Variants in ACOXL observed in about 807,000 individuals in gnomAD.
ACOXL encodes acyl-CoA oxidase like.
ACOXL carries 70 observed loss-of-function variants against 71.9 expected under a neutral mutation model. The ratio of observed to expected loss-of-function variants is 0.97; its 90% CI spans 0.80 to 1.19. ACOXL has a LOEUF of 1.19. Ranked by LOEUF, ACOXL falls within the 50% of genes most tolerant of loss-of-function variation. The pLI is 0.00. For missense variants in ACOXL, 703 were observed against 736.3 expected (o/e 0.95, Z 0.52); for synonymous variants, 253 against 281.6 (o/e 0.90, Z 1.02).
chr2:110,733,465 T>G (rs1309143550), intron 1 of ACOXL, among the ~76,000 whole-genome samples: 1 of 152,162 alleles, frequency 6.6e-6, no homozygotes, highest in East Asian at 1.9e-4. Context: ...GTGTCTCCTG[T>G]GGGCTCTCTT....
chr2:111,049,079 G>A (rs1180726691), intron 15 of ACOXL, 139 bp from the exon 16 acceptor site: 8 of 692,236 alleles, frequency 1.2e-5, no homozygotes, highest in Non-Finnish European at 1.7e-5. Context: ...GGGGACAGTT[G>A]GGGAGCTCTG....
At chr2:110,740,424 C>CTTCTGCA (rs1362081081) in intron 1 of ACOXL, among the ~76,000 whole-genome samples, 1 of 152,184 alleles carries the variant, frequency 6.6e-6, no homozygotes, top group Non-Finnish European at 1.5e-5. Flanking sequence ...CTCCCAGGAG[C>CTTCTGCA]TTCTGCAGCA....
chr2:111,005,958 T>G (rs1471150074), intron 14 of ACOXL, among the ~76,000 whole-genome samples: 3 of 152,212 alleles, frequency 2.0e-5, no homozygotes, highest in Non-Finnish European at 4.4e-5. Context: ...ATTCTGTGTT[T>G]GTTACGTTTT....
chr2:111,088,706 A>C (rs71431150), intron 16 of ACOXL, among the ~76,000 whole-genome samples: 2,326 of 152,258 alleles, frequency 0.015, 37 homozygotes, highest in Middle Eastern at 0.024. Flanking sequence ...ATGGGTGATG[A>C]AATAATCTGT....
At chr2:110,800,605 A>C (rs1216813599) in intron 7 of ACOXL, among the ~76,000 whole-genome samples, 1 of 152,062 alleles carries the variant, frequency 6.6e-6, no homozygotes, top group East Asian at 1.9e-4. Flanking sequence ...CTCAGGGCCA[A>C]GATCATGCCA....
chr2:110,970,416 A>G (rs969507990), intron 12 of ACOXL, among the ~76,000 whole-genome samples: 4 of 152,254 alleles, frequency 2.6e-5, no homozygotes, highest in Non-Finnish European at 5.9e-5. Context: ...GTTTACACAG[A>G]AAAAGCATTT....
At chr2:110,753,626 A>G (rs944249786) in intron 1 of ACOXL, among the ~76,000 whole-genome samples, 2 of 152,222 alleles carry the variant, frequency 1.3e-5, no homozygotes, top group African/African-American at 4.8e-5. Flanking sequence ...CTATTGATGG[A>G]CACCAGGGCT....
chr2:111,081,705 G>A (rs997093907), intron 16 of ACOXL, among the ~76,000 whole-genome samples: 14 of 152,064 alleles, frequency 9.2e-5, no homozygotes, highest in Admixed American at 3.9e-4. Context: ...AAAAGAGCCC[G>A]TATAGCCAAT....
chr2:110,904,625 G>A (rs1045653876), intron 10 of ACOXL, among the ~76,000 whole-genome samples: 1 of 152,188 alleles, frequency 6.6e-6, no homozygotes, highest in East Asian at 1.9e-4. Flanking sequence ...AGCATAGTTT[G>A]TTACTCACAG....
At chr2:110,853,102 CG>C (rs1410443263) in intron 10 of ACOXL, among the ~76,000 whole-genome samples, 2 of 152,160 alleles carry the variant, frequency 1.3e-5, no homozygotes, top group Non-Finnish European at 2.9e-5. Flanking sequence ...GGGCCTCGGG[CG>C]GGGTGGTCCA....
Position 111,078,755 on chromosome 2 carries a change from C to T in ACOXL, c.1441-14110C>T, listed in dbSNP as rs148066492. ...TGCAAGCTACATTTCTCTTCTCCTT[C>T]ATATGCTGAAAAATATTGGATTATT... On this transcript the variant is annotated intron_variant, in intron 16 of 17. Transcript: ENST00000439055. Among the ~76,000 whole-genome samples the T allele has an allele frequency of 4.9e-3, 740 of 152,350 alleles. 1 individual carries two copies. The highest frequency in any genetic ancestry group is 8.0e-3 in the Non-Finnish European group (543 of 68,034).
intron 11 of ACOXL, among the ~76,000 whole-genome samples, chr2:110,916,163 T>C (rs576830508): frequency 2.6e-5 from 4 of 152,154 alleles, no homozygotes; most frequent in Admixed American, 2.0e-4. Flanking sequence ...ATTTCCTTAT[T>C]ATAATATTAA....
chr2:110,862,634 G>C (rs893550881), intron 10 of ACOXL, among the ~76,000 whole-genome samples: 7 of 152,178 alleles, frequency 4.6e-5, no homozygotes, highest in Non-Finnish European at 8.8e-5. Flanking sequence ...AAGCCCAGAG[G>C]GATACAAAAA....
At chr2:110,859,672 T>G (rs1007344073) in intron 10 of ACOXL, among the ~76,000 whole-genome samples, 1 of 152,118 alleles carries the variant, frequency 6.6e-6, no homozygotes, top group Non-Finnish European at 1.5e-5. Flanking sequence ...GAATCGTATT[T>G]TAGGATGCTC....
In ACOXL at chr2:111,012,284, G is replaced by A. The variant is rs1033712034; in HGVS notation, c.1281+16280G>A. 3.9e-5 allele frequency among the ~76,000 whole-genome samples: 6 copies of A among 152,230 alleles called. No individual in the cohort carries two copies. The South Asian group carries it at 1.2e-3, about 32-fold the overall frequency. On this transcript the variant is annotated intron_variant, in intron 14 of 17. Coordinates refer to ENST00000439055, the MANE Select transcript of ACOXL (RefSeq NM_001142807.4). ...TTTTAGCAATAAATAATTTTTTTGA[G>A]GTGCCTACTTTTTTTAGACATAACG...
chr2:110,915,015 CTT>C (rs2059786597), intron 11 of ACOXL, among the ~76,000 whole-genome samples: 1 of 152,180 alleles, frequency 6.6e-6, no homozygotes, highest in Non-Finnish European at 1.5e-5. Context: ...CAATGACACT[CTT>C]TTAGTTATTT....
intron 10 of ACOXL, among the ~76,000 whole-genome samples, chr2:110,896,299 C>G (rs34112612): frequency 6.6e-6 from 1 of 151,808 alleles, no homozygotes; most frequent in Admixed American, 6.6e-5. Context: ...TTCAAGTAAC[C>G]TAAAGAAAGG....
chr2:111,093,707 C>CA (rs2068658699), intron 17 of ACOXL: 2 of 580,966 alleles, frequency 3.4e-6, no homozygotes, highest in African/African-American at 1.9e-5. Context: ...TACTAAAATA[C>CA]AAAAAAATTA....
intron 16 of ACOXL, among the ~76,000 whole-genome samples, chr2:111,066,352 T>G (rs2067071261): frequency 6.6e-6 from 1 of 152,106 alleles, no homozygotes; most frequent in South Asian, 2.1e-4. Context: ...GATAACAGAT[T>G]AGTGGCTGCC....
Sources: gnomAD v4.1 joint callset for allele counts (sites outside exome capture counted in the v4.1 genomes callset) on GRCh38, gnomAD v4.1.1 for gene constraint, MANE v1.5 for transcripts, NCBI Gene and HGNC (gene_info 2026-07-23, HGNC 2026-07-21) for gene names.